CDK6: variants seen among roughly 807,000 people sequenced by gnomAD.
CDK6 encodes cyclin dependent kinase 6, also known as cyclin-dependent kinase 6.
A neutral mutation model predicts 37.1 loss-of-function variants in CDK6; 6 were observed. The observed-to-expected ratio is 0.16, with a 90% CI of 0.09 to 0.32. The LOEUF (loss-of-function observed/expected upper bound fraction) is 0.32. CDK6 is among the 10% of genes least tolerant of loss of function. CDK6 has a pLI of 1.00. For synonymous variants in CDK6, 160 were observed against 161.3 expected (o/e 0.99, Z 0.06); for missense variants, 224 against 418.9 (o/e 0.53, Z 4.06).
chr7:92,782,803 A>T (rs190547638), intron 2 of CDK6, among the ~76,000 whole-genome samples: 97 of 152,336 alleles, frequency 6.4e-4, no homozygotes, highest in African/African-American at 2.2e-3. Context: ...TACTTGCAAC[A>T]AAAAATTGTC....
At chr7:92,643,005 C>G (rs1378067772) in intron 5 of CDK6, among the ~76,000 whole-genome samples, 1 of 152,006 alleles carries the variant, frequency 6.6e-6, no homozygotes, top group Non-Finnish European at 1.5e-5. Context: ...GGTGATCCTC[C>G]CACTTCAGCC....
At chr7:92,640,015 C>A (rs902739455) in intron 5 of CDK6, among the ~76,000 whole-genome samples, 9 of 152,276 alleles carry the variant, frequency 5.9e-5, no homozygotes, top group African/African-American at 1.9e-4. Context: ...CTTCTGGGTT[C>A]TCCTTAATAA....
intron 7 of CDK6, among the ~76,000 whole-genome samples, chr7:92,617,653 G>T (rs1489758477): frequency 6.6e-6 from 1 of 152,142 alleles, no homozygotes; most frequent in African/African-American, 2.4e-5. Flanking sequence ...TTGCTATATA[G>T]TTCTTTTGGA....
rs1282729138 is a variant in CDK6 at position 92,731,801 on chromosome 7, G to A, written c.370-6008C>T. 3.3e-5 allele frequency among the ~76,000 whole-genome samples: 5 copies of A among 151,896 alleles called. No homozygotes were observed. In the South Asian group the frequency reaches 6.2e-4, roughly 19 times the overall value. ...ATTTCCACCAAGCCTGAAAATGTTG[G>A]TGTTTGAGGAACAATGTAATGACTT... On this transcript the variant is annotated intron_variant, in intron 3 of 7. Transcript: ENST00000424848.
chr7:92,653,278 C>T (rs1161888881), intron 5 of CDK6, among the ~76,000 whole-genome samples: 3 of 152,088 alleles, frequency 2.0e-5, no homozygotes, highest in East Asian at 1.9e-4. Context: ...TCCTTTGTTC[C>T]GGTCTCAGTC....
At chr7:92,767,331 C>T (rs1269537426) in intron 3 of CDK6, among the ~76,000 whole-genome samples, 1 of 152,132 alleles carries the variant, frequency 6.6e-6, no homozygotes, top group Non-Finnish European at 1.5e-5. Flanking sequence ...GCTTGAGTTA[C>T]TGAGTTTTCC....
chr7:92,673,887 C>A (rs1279601795), intron 4 of CDK6, among the ~76,000 whole-genome samples: 1 of 151,988 alleles, frequency 6.6e-6, no homozygotes, highest in Non-Finnish European at 1.5e-5. Context: ...AAGCAATTCT[C>A]CTGCCTCAGC....
chr7:92,625,532 C>CAAAAAAAAAAA (rs67461662), intron 5 of CDK6, among the ~76,000 whole-genome samples: 2 of 142,604 alleles, frequency 1.4e-5, no homozygotes, highest in Non-Finnish European at 1.5e-5. Flanking sequence ...TGCAGTTTTG[C>CAAAAAAAAAAA]AAAAAAAAAC....
chr7:92,697,840 A>G (rs1368324985), intron 4 of CDK6, among the ~76,000 whole-genome samples: 1 of 152,198 alleles, frequency 6.6e-6, no homozygotes, highest in Non-Finnish European at 1.5e-5. Flanking sequence ...TCTGCAATAG[A>G]TTTACTAACA....
chr7:92,607,397 CTACTA>C lies in CDK6; in HGVS notation c.*7738_*7742del, dbSNP rs1356968354. ...TTTATTTTTGCTATATTTTTGCACTCTACTATATGCATATTTAATAAAAACAACTA... is the reference window on the plus strand; with the variant it reads ...TTTATTTTTGCTATATTTTTGCACTCTATGCATATTTAATAAAAACAACTA... On this transcript the variant is annotated 3_prime_UTR_variant, in exon 8 of 8. Coordinates refer to ENST00000424848, the MANE Select transcript of CDK6 (RefSeq NM_001145306.2). 1.3e-5 allele frequency: 3 copies of C among 232,958 alleles called. No individual in the cohort carries two copies. Among genetic ancestry groups the C allele is most frequent in the Non-Finnish European group, 1.7e-5 (2 of 117,972 alleles). The allele number at this position is 232,958 out of a possible 1,614,324, so 14.4% of individuals were successfully genotyped here.
In CDK6 at chr7:92,608,797, A is replaced by G. The variant is rs975142467; in HGVS notation, c.*6343T>C. On this transcript the variant is annotated 3_prime_UTR_variant, in exon 8 of 8. Coordinates refer to ENST00000424848, the MANE Select transcript of CDK6 (RefSeq NM_001145306.2). ...CGGAAAGCAGCCCGCGGGGCCGCAC[A>G]TAATTTCAGGCACCGGCAGGTGAGT... The G allele has an allele frequency of 4.3e-6, 1 of 231,940 alleles. No individual in the cohort carries two copies. The highest frequency in any genetic ancestry group is 6.1e-5 in the East Asian group (1 of 16,454). 14.4% of individuals were successfully genotyped at this position (231,940 alleles called of 1,614,324 possible).
At chr7:92,729,595 T>C (rs1785729698) in intron 3 of CDK6, among the ~76,000 whole-genome samples, 1 of 152,190 alleles carries the variant, frequency 6.6e-6, no homozygotes, top group South Asian at 2.1e-4. Flanking sequence ...TCTGGACCTT[T>C]CTGAATACAA....
At chr7:92,809,630 T>C (rs573622422) in intron 2 of CDK6, among the ~76,000 whole-genome samples, 28 of 152,288 alleles carry the variant, frequency 1.8e-4, no homozygotes, top group African/African-American at 6.5e-4. Flanking sequence ...GAGGTAAGGG[T>C]ATATTTATTT....
At chr7:92,780,630 A>G (rs925432170) in intron 2 of CDK6, among the ~76,000 whole-genome samples, 4 of 151,794 alleles carry the variant, frequency 2.6e-5, no homozygotes, top group Non-Finnish European at 5.9e-5. Context: ...GCGTGGTGGC[A>G]GGCGCCTGTA....
intron 2 of CDK6, among the ~76,000 whole-genome samples, chr7:92,815,738 T>C (rs1801012816): frequency 6.6e-6 from 1 of 152,114 alleles, no homozygotes; most frequent in African/African-American, 2.4e-5. Context: ...GAAGACACAA[T>C]ACTGAAGAAG....
Position 92,791,811 on chromosome 7 carries a change from T to C in CDK6, c.234-16980A>G, listed in dbSNP as rs1162997709. On this transcript the variant is annotated intron_variant, in intron 2 of 7. Transcript: ENST00000424848. Reference sequence around the variant, plus strand: ...AAGGAACAGCATGTCCAAAGGTATGTAGGTACACAGAAAAATTCATATTTG... The same window carrying C: ...AAGGAACAGCATGTCCAAAGGTATGCAGGTACACAGAAAAATTCATATTTG... 5.3e-5 allele frequency among the ~76,000 whole-genome samples: 8 copies of C among 152,158 alleles called. No homozygotes were observed. In the South Asian group the frequency reaches 1.7e-3, roughly 32 times the overall value.
intron 5 of CDK6, among the ~76,000 whole-genome samples, chr7:92,652,285 A>G (rs751227148): frequency 6.6e-6 from 1 of 152,150 alleles, no homozygotes; most frequent in Non-Finnish European, 1.5e-5. Context: ...TAAAGTGTCA[A>G]TTTTGTTATT....
At chr7:92,661,079 C>T (rs921940871) in intron 5 of CDK6, among the ~76,000 whole-genome samples, 2 of 152,114 alleles carry the variant, frequency 1.3e-5, no homozygotes, top group Non-Finnish European at 1.5e-5. Flanking sequence ...GAGGCTTTCA[C>T]GGAGTGAGTG....
chr7:92,799,873 C>A (rs1407053228), intron 2 of CDK6, among the ~76,000 whole-genome samples: 1 of 152,176 alleles, frequency 6.6e-6, no homozygotes, highest in African/African-American at 2.4e-5. Context: ...TATAACTCTG[C>A]CTTGGCTATT....
Sources: gnomAD v4.1 joint callset for allele counts (sites outside exome capture counted in the v4.1 genomes callset) on GRCh38, gnomAD v4.1.1 for gene constraint, MANE v1.5 for transcripts, NCBI Gene and HGNC (gene_info 2026-07-23, HGNC 2026-07-21) for gene names.